PLCG2: variants seen among roughly 807,000 people sequenced by gnomAD.
PLCG2 encodes the protein phospholipase C gamma 2, also known as 1-phosphatidylinositol 4,5-bisphosphate phosphodiesterase gamma-2.
PLCG2 carries 69 observed loss-of-function variants against 175.6 expected under a neutral mutation model. The ratio of observed to expected loss-of-function variants is 0.39; its 90% CI spans 0.32 to 0.48. The LOEUF (loss-of-function observed/expected upper bound fraction) is 0.48, where lower values mean the gene tolerates loss of function less well. Among genes scored for constraint, PLCG2 ranks in the 20% least tolerant of loss-of-function variants. PLCG2 has a pLI of 0.91. For missense variants in PLCG2, 1,798 were observed against 1,650.9 expected (o/e 1.09, Z -1.54); for synonymous variants, 827 against 624.0 (o/e 1.33, Z -4.85).
chr16:81,765,750 G>A lies in PLCG2; in HGVS notation c.-48+9784G>A, dbSNP rs114920741. On this transcript the variant is annotated intron_variant, in intron 2 of 5. Coordinates refer to the PLCG2 transcript ENST00000565054. ...TAGCAGCTCTGGGAAACTAATGCATGTTTTCAGTGACATTTTAGCCCCTTC... is the reference window on the plus strand; with the variant it reads ...TAGCAGCTCTGGGAAACTAATGCATATTTTCAGTGACATTTTAGCCCCTTC... Among the ~76,000 whole-genome samples the A allele has an allele frequency of 3.9e-3, 595 of 152,334 alleles. 3 individuals are homozygous for A. Among genetic ancestry groups the A allele is most frequent in the African/African-American group, 0.014 (568 of 41,576 alleles).
chr16:81,864,792 G>A (rs1283585015), intron 5 of PLCG2, among the ~76,000 whole-genome samples: 5 of 152,222 alleles, frequency 3.3e-5, no homozygotes, highest in African/African-American at 9.7e-5. Flanking sequence ...GGTGATGGCT[G>A]CCTGGGTGCG....
intron 5 of PLCG2, among the ~76,000 whole-genome samples, chr16:81,865,352 G>A (rs907265222): frequency 4.6e-5 from 7 of 152,092 alleles, no homozygotes; most frequent in Non-Finnish European, 7.4e-5. Flanking sequence ...TGTGCAGCAC[G>A]ACACACACAC....
intron 2 of PLCG2, among the ~76,000 whole-genome samples, chr16:81,836,330 G>C (rs768329836): frequency 6.6e-6 from 1 of 152,196 alleles, no homozygotes; most frequent in Non-Finnish European, 1.5e-5. Flanking sequence ...ATTGGCCCAC[G>C]TGTCAGCCAT....
chr16:81,943,885 T>C (rs1911051301), intron 30 of PLCG2, among the ~76,000 whole-genome samples: 1 of 152,172 alleles, frequency 6.6e-6, no homozygotes, highest in Non-Finnish European at 1.5e-5. Flanking sequence ...ATTCAGGTTT[T>C]ATACCCCCTC....
chr16:81,889,376 G>C (rs1381893249), intron 10 of PLCG2, 103 bp downstream of exon 10: 2 of 691,184 alleles, frequency 2.9e-6, no homozygotes, highest in African/African-American at 1.8e-5. Flanking sequence ...GAACTTTGCT[G>C]TATGATGTTG....
intron 2 of PLCG2, among the ~76,000 whole-genome samples, chr16:81,831,308 C>T (rs4616280): frequency 0.74 from 112,770 of 152,114 alleles, 41,935 homozygotes; most frequent in East Asian, 0.93. Context: ...GCCTGGCACG[C>T]TGGCTTTTAC....
Position 81,883,452 on chromosome 16 carries a change from A to G in PLCG2, c.765+111A>G, listed in dbSNP as rs1597105719. ...CCTGGTCACCTGTGCTCACCTGGCCACCTGTGCTCACCTGGCCACCTGTCT... is the reference window on the plus strand; with the variant it reads ...CCTGGTCACCTGTGCTCACCTGGCCGCCTGTGCTCACCTGGCCACCTGTCT... On this transcript the variant is annotated intron_variant, in intron 9 of 32. Coordinates refer to ENST00000564138, the MANE Select transcript of PLCG2 (RefSeq NM_002661.5). 12 of 753,342 alleles carry G rather than the reference A, an allele frequency of 1.6e-5. No homozygotes were observed. In the East Asian group the frequency reaches 2.9e-4, roughly 18 times the overall value. 46.7% of individuals were successfully genotyped at this position (753,342 alleles called of 1,614,324 possible).
upstream of PLCG2, among the ~76,000 whole-genome samples, chr16:81,778,363 C>G (rs1310435073): frequency 6.6e-6 from 1 of 152,266 alleles, no homozygotes; most frequent in African/African-American, 2.4e-5. Flanking sequence ...GAGTGAGACC[C>G]TGCCTCTTAG....
intron 2 of PLCG2, among the ~76,000 whole-genome samples, chr16:81,798,313 G>A (rs1911564245): frequency 6.6e-6 from 1 of 152,142 alleles, no homozygotes; most frequent in Non-Finnish European, 1.5e-5. Context: ...TGTTTGCGTG[G>A]GGGACATGGG....
intron 5 of PLCG2, among the ~76,000 whole-genome samples, chr16:81,863,761 G>A (rs572048959): frequency 7.9e-5 from 12 of 152,322 alleles, no homozygotes; most frequent in South Asian, 2.1e-4. Context: ...CCCCCTTGGC[G>A]TATAACATTG....
rs536536947 is a variant in PLCG2, at chr16:81,789,203, T to C, written c.193+3021T>C. Among the ~76,000 whole-genome samples the C allele has an allele frequency of 2.0e-5, 3 of 152,382 alleles. No homozygotes were observed. In the South Asian group the frequency reaches 6.2e-4, roughly 32 times the overall value. ...CTTCTGAAGCTCATTGTGATGGGCA[T>C]GAGACAGGATTTTGGCTTGAAATCT... On this transcript the variant is annotated intron_variant, in intron 2 of 32. Coordinates refer to ENST00000564138, the MANE Select transcript of PLCG2 (RefSeq NM_002661.5).
At chr16:81,939,053 C>A in intron 29 of PLCG2, 138 bp downstream of exon 29, 2 of 627,940 alleles carry the variant, frequency 3.2e-6, no homozygotes, top group East Asian at 5.5e-5. Context: ...CCACATGGTT[C>A]AGCTTGAGGA....
rs541167459 is a variant in PLCG2, at chr16:81,805,416, G to A, written c.193+19234G>A. ...CAGGAGGCTGAGGCAGGAGAATGGC[G>A]TTAACCCAGGAGGTGGAGCTTGCAG... On this transcript the variant is annotated intron_variant, in intron 2 of 32. Transcript: ENST00000564138. Among the ~76,000 whole-genome samples the A allele has an allele frequency of 4.0e-5, 6 of 148,402 alleles. No homozygotes were observed. In the South Asian group the frequency reaches 8.8e-4, roughly 22 times the overall value.
intron 11 of PLCG2, 114 bp downstream of exon 11, chr16:81,891,704 A>G: frequency 1.5e-6 from 1 of 666,042 alleles, no homozygotes; most frequent in Non-Finnish European, 2.8e-6. Flanking sequence ...TGGAGGGTGT[A>G]GCACCGCATT....
At chr16:81,917,778 G>T (rs944121651) in intron 19 of PLCG2, among the ~76,000 whole-genome samples, 1 of 152,170 alleles carries the variant, frequency 6.6e-6, no homozygotes, top group African/African-American at 2.4e-5. Flanking sequence ...CTGGAGTGCA[G>T]TGGTGTGATC....
intron 13 of PLCG2, 139 bp downstream of exon 13, chr16:81,896,066 C>A (rs1428601510): frequency 1.9e-6 from 2 of 1,073,806 alleles, no homozygotes; most frequent in Non-Finnish European, 2.8e-6. Context: ...TTGGCCAAAG[C>A]CACTGCCATC....
chr16:81,797,212 A>G (rs1261668820), intron 2 of PLCG2, among the ~76,000 whole-genome samples: 1 of 152,168 alleles, frequency 6.6e-6, no homozygotes, highest in African/African-American at 2.4e-5. Flanking sequence ...GTGCAGGTCC[A>G]ACGTCTTAGG....
At chr16:81,848,440 C>T (rs923896817) in intron 2 of PLCG2, among the ~76,000 whole-genome samples, 3 of 152,180 alleles carry the variant, frequency 2.0e-5, no homozygotes, top group African/African-American at 7.2e-5. Flanking sequence ...ATTAGAATGG[C>T]TGTTAGAATT....
At chr16:81,888,770 C>G (rs554405906) in intron 9 of PLCG2, among the ~76,000 whole-genome samples, 50 of 152,308 alleles carry the variant, frequency 3.3e-4, no homozygotes, top group African/African-American at 1.1e-3. Flanking sequence ...ACGTAAAGAG[C>G]TATCATAGGG....
Sources: gnomAD v4.1 joint callset for allele counts (sites outside exome capture counted in the v4.1 genomes callset) on GRCh38, gnomAD v4.1.1 for gene constraint, MANE v1.5 for transcripts, NCBI Gene and HGNC (gene_info 2026-07-23, HGNC 2026-07-21) for gene names.